PSD3: variants seen among roughly 807,000 people sequenced by gnomAD.
PSD3 encodes the protein PH and SEC7 domain-containing protein 3.
In PSD3, 49 loss-of-function variants were observed where a neutral mutation model predicts 105.5. That is an observed-to-expected ratio of 0.46 (90% CI 0.37 to 0.59). PSD3 has a LOEUF of 0.59. PSD3 is among the 20% of genes least tolerant of loss of function. The pLI is 0.00. For synonymous variants in PSD3, 557 were observed against 457.8 expected (o/e 1.22, Z -2.77); for missense variants, 1,561 against 1,263.8 (o/e 1.24, Z -3.57).
intron 8 of PSD3, among the ~76,000 whole-genome samples, chr8:18,771,655 G>A (rs1193815416): frequency 2.6e-5 from 4 of 152,290 alleles, no homozygotes; most frequent in Middle Eastern, 3.4e-3. Context: ...GACCATAAAT[G>A]TATGGGATTA....
At chr8:18,825,777 T>C (rs573384636) in intron 4 of PSD3, among the ~76,000 whole-genome samples, 42 of 152,314 alleles carry the variant, frequency 2.8e-4, no homozygotes, top group African/African-American at 9.1e-4. Flanking sequence ...TTAAAAGCAT[T>C]AGCAAAATCA....
At chr8:18,707,497 C>T (rs778988759) in intron 9 of PSD3, among the ~76,000 whole-genome samples, 2 of 152,182 alleles carry the variant, frequency 1.3e-5, no homozygotes, top group African/African-American at 4.8e-5. Flanking sequence ...ACAACACACA[C>T]ACTTGCTACT....
intron 14 of PSD3, among the ~76,000 whole-genome samples, chr8:18,571,654 AATAC>A (rs1193085627): frequency 2.0e-5 from 3 of 152,218 alleles, no homozygotes; most frequent in African/African-American, 7.2e-5. Context: ...ACAGGCACAC[AATAC>A]ATATTTATTA....
At chr8:18,681,761 T>C (rs1334290167) in intron 9 of PSD3, among the ~76,000 whole-genome samples, 1 of 152,138 alleles carries the variant, frequency 6.6e-6, no homozygotes, top group Non-Finnish European at 1.5e-5. Context: ...GATTTTCTCT[T>C]AGCTCTGGTG....
At chr8:18,871,142 C>G (rs1817319885) in intron 3 of PSD3, among the ~76,000 whole-genome samples, 1 of 152,110 alleles carries the variant, frequency 6.6e-6, no homozygotes, top group Non-Finnish European at 1.5e-5. Context: ...TTGAGTGGGC[C>G]AAGAACCTCT....
At chr8:18,663,403 G>A (rs2130881643) in intron 9 of PSD3, among the ~76,000 whole-genome samples, 1 of 151,318 alleles carries the variant, frequency 6.6e-6, no homozygotes, top group South Asian at 2.1e-4. Flanking sequence ...TCCAGCCTGG[G>A]CGACAGAATG....
Position 18,999,426 on chromosome 8 carries a change from C to G in PSD3, c.21+14137G>C, listed in dbSNP as rs553783629. Among the ~76,000 whole-genome samples the G allele has an allele frequency of 3.3e-5, 5 of 151,906 alleles. No homozygotes were observed. The East Asian group carries it at 9.7e-4, about 29-fold the overall frequency. On this transcript the variant is annotated intron_variant, in intron 1 of 15. Transcript: ENST00000327040. ...AAGACTACAGCAAGCTCATGAAATT[C>G]TGCCCACATGACTGAGGTGGCGATT... is the stretch of plus-strand genomic sequence containing the variant.
At position 18,981,954 on chromosome 8, in the gene PSD3, A is replaced by G. The variant is rs139485194; in HGVS notation, c.21+31609T>C. On this transcript the variant is annotated intron_variant, in intron 1 of 15. Transcript: ENST00000327040. ...AAATAAGACAAAAATGAAGTTTGTC[A>G]CATCAATGGTCTCTTAAGACAAAAG... Among the ~76,000 whole-genome samples the G allele has an allele frequency of 3.3e-3, 505 of 152,330 alleles. 4 individuals carry two copies. Among genetic ancestry groups the G allele is most frequent in the African/African-American group, 0.012 (488 of 41,592 alleles).
At chr8:18,930,569 ATTT>A (rs5889836) in intron 2 of PSD3, among the ~76,000 whole-genome samples, 15,531 of 132,962 alleles carry the variant, frequency 0.12, 911 homozygotes, top group Non-Finnish European at 0.15. Flanking sequence ...AACTTTTTCA[ATTT>A]TTTTTTTTTT....
In PSD3 at chr8:18,762,125, G is replaced by A. The variant is rs1173957743; in HGVS notation, c.2172+3324C>T. ...TGTTGAATAATAATCCGTAGTACTGGATGTGGGGTCTGTTGGGAGGTGATT... is the reference window on the plus strand; with the variant it reads ...TGTTGAATAATAATCCGTAGTACTGAATGTGGGGTCTGTTGGGAGGTGATT... On this transcript the variant is annotated intron_variant, in intron 9 of 15. Coordinates refer to ENST00000327040, the MANE Select transcript of PSD3 (RefSeq NM_015310.4). Among the ~76,000 whole-genome samples, 5 of 152,190 alleles carry A rather than the reference G, an allele frequency of 3.3e-5. No homozygotes were observed. In the East Asian group the frequency reaches 9.6e-4, roughly 29 times the overall value.
intron 4 of PSD3, among the ~76,000 whole-genome samples, chr8:18,860,932 T>A (rs1816389652): frequency 2.0e-5 from 3 of 152,180 alleles, no homozygotes; most frequent in South Asian, 4.1e-4. Context: ...TCAAAGCTCA[T>A]CCAAGTAACA....
At chr8:18,592,689 A>AAAC (rs1803700709) in intron 12 of PSD3, among the ~76,000 whole-genome samples, 1 of 145,526 alleles carries the variant, frequency 6.9e-6, no homozygotes, top group African/African-American at 2.8e-5. Context: ...GGTGCTCAAA[A>AAAC]AAACAAACAA....
At chr8:18,930,174 C>A (rs1212185477) in intron 2 of PSD3, among the ~76,000 whole-genome samples, 1 of 152,130 alleles carries the variant, frequency 6.6e-6, no homozygotes, top group Non-Finnish European at 1.5e-5. Context: ...ACTCACACTT[C>A]CAGAAACGTG....
At chr8:18,550,490 A>G (rs1355221760) in intron 15 of PSD3, among the ~76,000 whole-genome samples, 2 of 152,228 alleles carry the variant, frequency 1.3e-5, no homozygotes, top group African/African-American at 4.8e-5. Context: ...ATAGGGTTAT[A>G]TCCCAGATAA....
intron 8 of PSD3, among the ~76,000 whole-genome samples, chr8:18,771,246 C>T (rs577306545): frequency 6.6e-6 from 1 of 152,256 alleles, no homozygotes; most frequent in Admixed American, 6.5e-5. Context: ...CACTTTGGGC[C>T]ACCGCATCAG....
intron 12 of PSD3, among the ~76,000 whole-genome samples, chr8:18,588,533 A>G (rs996531216): frequency 2.6e-5 from 4 of 152,194 alleles, no homozygotes; most frequent in African/African-American, 9.6e-5. Context: ...TGAAATAGCA[A>G]CCCGAACAAT....
chr8:18,569,344 T>C (rs1377350998), intron 14 of PSD3, among the ~76,000 whole-genome samples: 3 of 142,252 alleles, frequency 2.1e-5, no homozygotes, highest in African/African-American at 5.2e-5. Context: ...GTGTTCCTAT[T>C]TCTCCACATC....
intron 2 of PSD3, among the ~76,000 whole-genome samples, chr8:18,887,467 C>A (rs977608858): frequency 2.0e-5 from 3 of 152,110 alleles, no homozygotes; most frequent in African/African-American, 4.8e-5. Flanking sequence ...ACTTACAGTA[C>A]CTTGTATGTA....
At chr8:18,783,233 T>C (rs1054606672) in intron 8 of PSD3, among the ~76,000 whole-genome samples, 2 of 152,188 alleles carry the variant, frequency 1.3e-5, no homozygotes, top group African/African-American at 4.8e-5. Context: ...TTCTAAGAAT[T>C]TGTTCATTTC....
Sources: gnomAD v4.1 joint callset for allele counts (sites outside exome capture counted in the v4.1 genomes callset) on GRCh38, gnomAD v4.1.1 for gene constraint, MANE v1.5 for transcripts, NCBI Gene and HGNC (gene_info 2026-07-23, HGNC 2026-07-21) for gene names.